The following ASTN2 variants were observed in gnomAD, a reference collection of about 807,000 sequenced individuals.
The protein encoded by ASTN2 is astrotactin-2.
ASTN2 carries 54 observed loss-of-function variants against 139.8 expected under a neutral mutation model. That is an observed-to-expected ratio of 0.39 (90% CI 0.31 to 0.48). The LOEUF is 0.48. Ranked by LOEUF, ASTN2 falls within the 20% of genes least tolerant of loss-of-function variation. The pLI is 0.95. For synonymous variants in ASTN2, 756 were observed against 719.5 expected (o/e 1.05, Z -0.81); for missense variants, 1,565 against 1,725.1 (o/e 0.91, Z 1.64).
intron 10 of ASTN2, among the ~76,000 whole-genome samples, chr9:116,867,262 G>A (rs1833036153): frequency 6.6e-6 from 1 of 152,112 alleles, no homozygotes; most frequent in Non-Finnish European, 1.5e-5. Flanking sequence ...TAAGTGTGCC[G>A]AGGAGAGGGA....
intron 19 of ASTN2, among the ~76,000 whole-genome samples, chr9:116,494,359 C>A (rs759457504): frequency 5.3e-5 from 8 of 152,258 alleles, no homozygotes; most frequent in Non-Finnish European, 1.2e-4. Flanking sequence ...ATGTCTGATA[C>A]ATGAATAGCT....
intron 7 of ASTN2, among the ~76,000 whole-genome samples, chr9:116,987,250 T>C (rs1299302121): frequency 6.6e-6 from 1 of 152,234 alleles, no homozygotes; most frequent in African/African-American, 2.4e-5. Flanking sequence ...GCTGTTCTCA[T>C]GATAGTGAGT....
In ASTN2 at chr9:116,455,040, T is replaced by TA. The variant is rs75035433; in HGVS notation, c.3498-12488dup. 2.7e-3 allele frequency among the ~76,000 whole-genome samples: 372 copies of TA among 137,384 alleles called. 2 individuals are homozygous for TA. The highest frequency in any genetic ancestry group is 6.7e-3 in the African/African-American group (254 of 37,818). 90.1% of individuals were successfully genotyped at this position (137,384 alleles called of 152,430 possible). On this transcript the variant is annotated intron_variant, in intron 20 of 22. Coordinates refer to ENST00000313400, the MANE Select transcript of ASTN2 (RefSeq NM_001365068.1). ...TACCCTAGAAATTAAAGTATAATAATAAAAAAAAAAAAGGTTTATGGTAGG... is the reference window on the plus strand; with the variant it reads ...TACCCTAGAAATTAAAGTATAATAATAAAAAAAAAAAAAGGTTTATGGTAGG...
intron 10 of ASTN2, among the ~76,000 whole-genome samples, chr9:116,963,025 G>A (rs901853148): frequency 1.3e-5 from 2 of 152,132 alleles, no homozygotes; most frequent in Non-Finnish European, 2.9e-5. Context: ...GTTAAGATTC[G>A]ATCCATGAAC....
intron 13 of ASTN2, among the ~76,000 whole-genome samples, chr9:116,758,663 A>G (rs987303432): frequency 1.3e-5 from 2 of 152,084 alleles, no homozygotes; most frequent in Non-Finnish European, 2.9e-5. Context: ...CCTTTTTTCA[A>G]TTCACACATA....
intron 16 of ASTN2, among the ~76,000 whole-genome samples, chr9:116,669,377 T>C (rs1859055947): frequency 6.6e-6 from 1 of 152,128 alleles, no homozygotes; most frequent in Non-Finnish European, 1.5e-5. Flanking sequence ...AAAGTTGCTA[T>C]CTAAAAAACA....
chr9:116,810,320 G>A (rs1755864969), intron 12 of ASTN2, among the ~76,000 whole-genome samples: 1 of 152,190 alleles, frequency 6.6e-6, no homozygotes, highest in East Asian at 1.9e-4. Context: ...AAGGCACTAT[G>A]CTGTAGAGGT....
chr9:117,398,555 G>C (rs2130957403), intron 1 of ASTN2, among the ~76,000 whole-genome samples: 1 of 152,230 alleles, frequency 6.6e-6, no homozygotes, highest in African/African-American at 2.4e-5. Flanking sequence ...CAATATCTCT[G>C]TGCCGCCTGC....
chr9:117,342,728 C>T (rs558764170), intron 1 of ASTN2, among the ~76,000 whole-genome samples: 1 of 152,246 alleles, frequency 6.6e-6, no homozygotes, highest in Middle Eastern at 3.4e-3. Flanking sequence ...TTGTTTCTTC[C>T]AACACGGTTT....
intron 19 of ASTN2, among the ~76,000 whole-genome samples, chr9:116,553,189 GA>G (rs1330081840): frequency 5.9e-5 from 9 of 152,080 alleles, no homozygotes; most frequent in African/African-American, 2.2e-4. Context: ...TGGACCTGCA[GA>G]CGTGCCAGGG....
chr9:116,542,993 GA>G (rs57022051), intron 19 of ASTN2, among the ~76,000 whole-genome samples: 46,873 of 147,968 alleles, frequency 0.32, 8,461 homozygotes, highest in Admixed American at 0.44. Context: ...TCATCCAGCT[GA>G]AAAAAAAATC....
chr9:117,269,233 G>A (rs1588148401), intron 2 of ASTN2, among the ~76,000 whole-genome samples: 1 of 152,212 alleles, frequency 6.6e-6, no homozygotes, highest in African/African-American at 2.4e-5. Flanking sequence ...GGCATGGGGT[G>A]TAATGTATTC....
At chr9:116,519,034 T>C (rs765587677) in intron 19 of ASTN2, among the ~76,000 whole-genome samples, 54 of 152,028 alleles carry the variant, frequency 3.6e-4, no homozygotes, top group Non-Finnish European at 6.9e-4. Context: ...AGAAATGAGA[T>C]AGACAGCAAC....
At chr9:116,801,506 G>A (rs1830847994) in intron 13 of ASTN2, among the ~76,000 whole-genome samples, 1 of 146,910 alleles carries the variant, frequency 6.8e-6, no homozygotes, top group Non-Finnish European at 1.5e-5. Context: ...GTGAACCTGG[G>A]AGGTGGAGGT....
intron 10 of ASTN2, among the ~76,000 whole-genome samples, chr9:116,934,124 C>T (rs1834998523): frequency 6.6e-6 from 1 of 151,734 alleles, no homozygotes; most frequent in Non-Finnish European, 1.5e-5. Context: ...TTTAACAAAA[C>T]CACACAGTGT....
At position 116,698,309 on chromosome 9, in the gene ASTN2, G is replaced by C. The variant is rs1458919098; in HGVS notation, c.2806+27462C>G. The C allele has an allele frequency of 4.3e-6, 7 of 1,614,148 alleles. No homozygotes were observed. Among genetic ancestry groups the C allele is most frequent in the Non-Finnish European group, 5.9e-6 (7 of 1,180,032 alleles). Reference sequence around the variant, plus strand: ...ATAAAGCAGTTCTCCAGGAGTATGGGCATGAGGAGCGCAGGGTCCAGGATG... The same window carrying C: ...ATAAAGCAGTTCTCCAGGAGTATGGCCATGAGGAGCGCAGGGTCCAGGATG... On this transcript the variant is annotated intron_variant, in intron 16 of 22. Transcript: ENST00000313400. The surrounding 1 kb of genome is among the most constrained non-coding windows in gnomAD (Gnocchi z 4.4).
At chr9:116,770,073 A>C (rs1471395907) in intron 13 of ASTN2, among the ~76,000 whole-genome samples, 1 of 149,346 alleles carries the variant, frequency 6.7e-6, no homozygotes. Flanking sequence ...CTGAGGTTAA[A>C]TTGGGGGCAT....
intron 5 of ASTN2, 94 bp from the exon 6 acceptor site, chr9:117,040,059 G>A: frequency 2.2e-6 from 3 of 1,356,642 alleles, no homozygotes; most frequent in South Asian, 1.6e-5. Flanking sequence ...TTTCCAGTTG[G>A]GAATCTGAAA....
chr9:116,763,295 A>C (rs947644580), intron 13 of ASTN2, among the ~76,000 whole-genome samples: 3 of 152,136 alleles, frequency 2.0e-5, no homozygotes, highest in African/African-American at 7.2e-5. Context: ...ATTCTATCAC[A>C]GTTTCCCCCA....
Sources: allele counts gnomAD v4.1 joint callset (sites outside exome capture counted in the v4.1 genomes callset), GRCh38; gene constraint gnomAD v4.1.1; non-coding constraint Gnocchi (gnomAD v3.1); transcripts MANE v1.5; gene names NCBI Gene and HGNC (gene_info 2026-07-23, HGNC 2026-07-21).